KLK8: variants seen among roughly 807,000 people sequenced by gnomAD.
KLK8 encodes the protein kallikrein related peptidase 8, also known as kallikrein-8.
Under a neutral mutation model 26.7 loss-of-function variants are expected in KLK8, and 18 were observed. The ratio of observed to expected loss-of-function variants is 0.67; its 90% CI spans 0.47 to 1.00. The LOEUF (loss-of-function observed/expected upper bound fraction) is 1.00. Ranked by LOEUF, KLK8 falls within the 50% of genes least tolerant of loss-of-function variation. The pLI, the probability that KLK8 is intolerant of heterozygous loss-of-function variation, is 0.00. For synonymous variants in KLK8, 137 were observed against 127.1 expected (o/e 1.08, Z -0.52); for missense variants, 301 against 331.7 (o/e 0.91, Z 0.72).
intron 6 of KLK8, among the ~76,000 whole-genome samples, chr19:50,996,913 CA>C (rs1568554298): frequency 3.3e-5 from 5 of 151,196 alleles, no homozygotes; most frequent in Non-Finnish European, 7.4e-5. Context: ...CACACACACA[CA>C]CACACACACA....
chr19:50,997,920 G>A (rs757121743), intron 5 of KLK8, 36 bp from the exon 5 acceptor site: 1 of 1,611,486 alleles, frequency 6.2e-7, no homozygotes, highest in South Asian at 1.1e-5. Flanking sequence ...CCCTGAGAGA[G>A]CAGCCCTTTG....
At chr19:51,000,856 C>T in intron 3 of KLK8, 1 of 907,436 alleles carries the variant, frequency 1.1e-6, no homozygotes, top group Non-Finnish European at 1.6e-6. Flanking sequence ...AAGCAAGCAG[C>T]CCCCAAAGGC....
At chr19:50,996,458 G>T (rs138873998) in intron 6 of KLK8, among the ~76,000 whole-genome samples, 4 of 151,828 alleles carry the variant, frequency 2.6e-5, no homozygotes, top group African/African-American at 9.7e-5. Context: ...TCCCAGACAG[G>T]CTTGGTGGCT....
At chr19:50,997,792 T>C (rs2091184205) in exon 6 of KLK8, 1 of 1,614,016 alleles carries the variant, frequency 6.2e-7, no homozygotes, top group Non-Finnish European at 8.5e-7. Flanking sequence ...GCACAGACCA[T>C]GCCATCTGTG....
chr19:50,997,712 G>A (rs751671351), intron 6 of KLK8, 39 bp downstream of exon 5: 1 of 1,610,442 alleles, frequency 6.2e-7, no homozygotes, highest in Non-Finnish European at 8.5e-7. Flanking sequence ...AGAGGGCAAT[G>A]AGGGATGTGT....
chr19:50,996,242 G>A (rs1182722508), intron 6 of KLK8, 28 bp from the exon 6 acceptor site: 1 of 1,607,986 alleles, frequency 6.2e-7, no homozygotes, highest in East Asian at 2.2e-5. Flanking sequence ...GAACAGCCTT[G>A]CATCTGAGAT....
Position 50,998,039 on chromosome 19 carries a change from TCAC to T in KLK8, c.494-158_494-156del, listed in dbSNP as rs1600122499. The T allele has an allele frequency of 9.6e-6, 8 of 835,002 alleles. No individual in the cohort carries two copies. The East Asian group carries it at 2.1e-4, about 22-fold the overall frequency. The allele number at this position is 835,002 out of a possible 1,614,324, so 51.7% of individuals were successfully genotyped here. ...CACTGTGCACAGGGGACATCACTTC[TCAC>T]CACATTAAACGAAGCTGTACTTGTT... On this transcript the variant is annotated intron_variant, in intron 5 of 6. Coordinates refer to ENST00000600767, the Ensembl canonical transcript of KLK8.
intron 3 of KLK8, 34 bp from the exon 3 acceptor site, chr19:51,000,617 C>T (rs1568556373): frequency 6.2e-7 from 1 of 1,611,404 alleles, no homozygotes; most frequent in South Asian, 1.1e-5. Context: ...GATCGCCACC[C>T]TCTGGGGCAG....
chr19:51,001,495 G>A, intron 2 of KLK8, 37 bp downstream of exon 1: 1 of 326,908 alleles, frequency 3.1e-6, no homozygotes, highest in South Asian at 3.9e-5. Context: ...GAGGGTCCGG[G>A]GCCTGATGTC....
chr19:50,997,883 C>A, exon 6 of KLK8: 1 of 1,614,070 alleles, frequency 6.2e-7, no homozygotes, highest in Non-Finnish European at 8.5e-7. Context: ...CAGGAAAATT[C>A]TCTGAGGGGG....
At chr19:50,997,263 A>G (rs1015044394) in intron 6 of KLK8, among the ~76,000 whole-genome samples, 9 of 152,154 alleles carry the variant, frequency 5.9e-5, no homozygotes, top group South Asian at 2.1e-4. Context: ...ACTCCAGCCA[A>G]CTGGGAAGAC....
rs779446174 is a variant in KLK8, at chr19:50,996,226, G to A, written c.628-12C>T. The A allele has an allele frequency of 7.6e-5, 122 of 1,612,910 alleles. No individual in the cohort carries two copies. The Middle Eastern group carries it at 1.8e-3, about 24-fold the overall frequency. On this transcript the variant is annotated splice_polypyrimidine_tract_variant and intron_variant, in intron 6 of 6. Coordinates refer to ENST00000600767, the Ensembl canonical transcript of KLK8. The stretch of plus-strand genomic sequence containing the variant: ...CCTCCAGAATCGCCCTAGACAGGGA[G>A]AATGAGAACAGCCTTGCATCTGAGA...
At chr19:51,000,631 G>C (rs202165211) in intron 3 of KLK8, 48 bp from the exon 3 acceptor site, 1 of 1,601,456 alleles carries the variant, frequency 6.2e-7, no homozygotes, top group Admixed American at 1.7e-5. Context: ...GGGGCAGTGC[G>C]AGGGCTGGGA....
exon 3 of KLK8, chr19:51,001,110 C>T (rs1229097065): frequency 6.2e-6 from 10 of 1,612,592 alleles, no homozygotes; most frequent in Non-Finnish European, 8.5e-6. Context: ...GCCCAGGCTC[C>T]CCCCAGCAAG....
At chr19:50,997,707 G>A (rs1454287668) in intron 6 of KLK8, 44 bp downstream of exon 5, 2 of 1,610,462 alleles carry the variant, frequency 1.2e-6, no homozygotes, top group Non-Finnish European at 8.5e-7. Flanking sequence ...CCTCGAGAGG[G>A]CAATGAGGGA....
At chr19:50,999,912 G>C (rs2091205217) in intron 5 of KLK8, 84 bp downstream of exon 4, 1 of 1,427,482 alleles carries the variant, frequency 7.0e-7, no homozygotes, top group Non-Finnish European at 9.5e-7. Context: ...TCTCCCTCTG[G>C]GGGACCAAGC....
intron 2 of KLK8, 56 bp from the exon 2 acceptor site, chr19:51,001,231 G>A: frequency 6.6e-7 from 1 of 1,516,818 alleles, no homozygotes; most frequent in Non-Finnish European, 9.0e-7. Context: ...TGAGCTCCCA[G>A]TTCTGGATTT....
At chr19:50,996,896 A>G (rs962951856) in intron 6 of KLK8, among the ~76,000 whole-genome samples, 10 of 19,278 alleles carry the variant, frequency 5.2e-4, no homozygotes, top group African/African-American at 3.2e-3. Context: ...TCTTATGGAC[A>G]CACACACACA....
At chr19:51,000,012 A>G (rs779050262) in exon 5 of KLK8, 3 of 1,596,368 alleles carry the variant, frequency 1.9e-6, no homozygotes, top group Non-Finnish European at 2.6e-6. Flanking sequence ...GACTGGTGAC[A>G]GTGCCCCAGC....
Sources: gnomAD v4.1 joint callset for allele counts (sites outside exome capture counted in the v4.1 genomes callset) on GRCh38, gnomAD v4.1.1 for gene constraint, MANE v1.5 for transcripts, NCBI Gene and HGNC (gene_info 2026-07-23, HGNC 2026-07-21) for gene names.